The following CNTNAP4 variants were observed in gnomAD, a reference collection of about 807,000 sequenced individuals.
The protein encoded by CNTNAP4 is contactin associated protein family member 4.
CNTNAP4 carries 98 observed loss-of-function variants against 148.4 expected under a neutral mutation model. The ratio of observed to expected loss-of-function variants is 0.66; its 90% CI spans 0.56 to 0.78. The LOEUF is 0.78. CNTNAP4 is among the 30% of genes least tolerant of loss of function. The pLI, the probability that CNTNAP4 is intolerant of heterozygous loss-of-function variation, is 0.00. For missense variants in CNTNAP4, 1,935 were observed against 1,565.6 expected, an observed-to-expected ratio of 1.24 and a Z score of -3.98; for synonymous variants, 730 against 565.1, an observed-to-expected ratio of 1.29 and a Z score of -4.14.
chr16:76,516,011 GT>G (rs2083234171), intron 15 of CNTNAP4, among the ~76,000 whole-genome samples: 2 of 152,142 alleles, frequency 1.3e-5, no homozygotes, highest in Non-Finnish European at 2.9e-5. Flanking sequence ...TGCCACAGGC[GT>G]TGGCTGCACC....
At chr16:76,350,436 C>G (rs767361026) in intron 2 of CNTNAP4, among the ~76,000 whole-genome samples, 1 of 152,098 alleles carries the variant, frequency 6.6e-6, no homozygotes, top group African/African-American at 2.4e-5. Context: ...TTTCTAGTAG[C>G]GTGCTTAGCA....
intron 3 of CNTNAP4, among the ~76,000 whole-genome samples, chr16:76,400,012 A>T (rs1355459811): frequency 6.6e-6 from 1 of 152,208 alleles, no homozygotes; most frequent in Non-Finnish European, 1.5e-5. Context: ...AACTATTTTA[A>T]TCAAATGGAT....
intron 2 of CNTNAP4, among the ~76,000 whole-genome samples, chr16:76,323,213 T>G (rs1305422080): frequency 6.6e-6 from 1 of 152,138 alleles, no homozygotes; most frequent in Non-Finnish European, 1.5e-5. Context: ...TGTTATTAGA[T>G]TGAAGTAAAG....
intron 3 of CNTNAP4, among the ~76,000 whole-genome samples, chr16:76,389,563 C>T (rs575535657): frequency 5.3e-5 from 8 of 152,302 alleles, no homozygotes; most frequent in African/African-American, 1.7e-4. Flanking sequence ...AAGCAATTCT[C>T]ATGCCTCGGC....
intron 13 of CNTNAP4, among the ~76,000 whole-genome samples, chr16:76,490,568 T>G (rs2082181738): frequency 6.6e-6 from 1 of 152,230 alleles, no homozygotes; most frequent in Non-Finnish European, 1.5e-5. Context: ...CCAGCTGGCC[T>G]CCTAGCTTGT....
intron 12 of CNTNAP4, among the ~76,000 whole-genome samples, chr16:76,487,005 G>T (rs2082052124): frequency 6.6e-6 from 1 of 152,138 alleles, no homozygotes; most frequent in Non-Finnish European, 1.5e-5. Flanking sequence ...AGGTAGGTAG[G>T]TAGTAGATAG....
intron 1 of CNTNAP4, among the ~76,000 whole-genome samples, chr16:76,307,989 T>C (rs1217491146): frequency 6.6e-6 from 1 of 152,234 alleles, no homozygotes; most frequent in Non-Finnish European, 1.5e-5. Flanking sequence ...TCATGTCTCC[T>C]ATAAGAGAAA....
intron 1 of CNTNAP4, among the ~76,000 whole-genome samples, chr16:76,296,926 A>C (rs1052590498): frequency 2.0e-5 from 3 of 152,178 alleles, no homozygotes; most frequent in African/African-American, 7.2e-5. Flanking sequence ...GAAACATTTG[A>C]GGCTTCCAGT....
At chr16:76,499,160 T>G (rs8044216) in intron 15 of CNTNAP4, among the ~76,000 whole-genome samples, 1 of 150,604 alleles carries the variant, frequency 6.6e-6, no homozygotes, top group Non-Finnish European at 1.5e-5. Context: ...CTCTGCCTCC[T>G]GGATTCACGC....
chr16:76,292,520 C>T (rs1959155894), intron 1 of CNTNAP4, among the ~76,000 whole-genome samples: 3 of 151,124 alleles, frequency 2.0e-5, no homozygotes, highest in Admixed American at 6.8e-5. Flanking sequence ...GAGCTCAGTG[C>T]CTGTGGCCTC....
rs562755360 is a variant in CNTNAP4, at chr16:76,516,837, G to A, written c.2366-4303G>A. 1.1e-4 allele frequency among the ~76,000 whole-genome samples: 17 copies of A among 152,334 alleles called. No homozygotes were observed. The South Asian group carries it at 2.9e-3, about 26-fold the overall frequency. ...CCAGCACTTTGGGAGGCCAAGGTGG[G>A]TGGATCACCTGAGGTCAGGAGTTCG... On this transcript the variant is annotated intron_variant, in intron 15 of 23. Transcript: ENST00000611870.
At chr16:76,342,204 C>T (rs533154129) in intron 2 of CNTNAP4, among the ~76,000 whole-genome samples, 2 of 152,118 alleles carry the variant, frequency 1.3e-5, no homozygotes, top group South Asian at 4.1e-4. Flanking sequence ...TCATATTGTC[C>T]CTCCCATTTT....
At chr16:76,365,375 A>G (rs1215477157) in intron 3 of CNTNAP4, among the ~76,000 whole-genome samples, 1 of 152,146 alleles carries the variant, frequency 6.6e-6, no homozygotes, top group Non-Finnish European at 1.5e-5. Context: ...TTGGTTCCAT[A>G]TGAAATTTAA....
chr16:76,353,134 A>G (rs914468574), intron 2 of CNTNAP4, among the ~76,000 whole-genome samples: 44 of 152,340 alleles, frequency 2.9e-4, no homozygotes, highest in African/African-American at 1.1e-3. Context: ...TGTAGCATGT[A>G]AAAAATTTCT....
intron 14 of CNTNAP4, among the ~76,000 whole-genome samples, chr16:76,498,295 G>T (rs1347216774): frequency 1.3e-5 from 2 of 152,244 alleles, no homozygotes; most frequent in African/African-American, 4.8e-5. Context: ...GGGAGGCTGA[G>T]GCACAAGAAT....
At chr16:76,451,333 T>G (rs2080463985) in intron 7 of CNTNAP4, among the ~76,000 whole-genome samples, 1 of 152,216 alleles carries the variant, frequency 6.6e-6, no homozygotes. Context: ...GGTTTCTAGC[T>G]TTACCAGTTT....
chr16:76,348,290 A>G (rs999480183), intron 2 of CNTNAP4, among the ~76,000 whole-genome samples: 1 of 151,980 alleles, frequency 6.6e-6, no homozygotes, highest in Non-Finnish European at 1.5e-5. Flanking sequence ...AGAATGGAAA[A>G]TCAGTTTTGG....
At chr16:76,447,905 T>A in intron 4 of CNTNAP4, 107 bp from the exon 5 acceptor site, 1 of 717,494 alleles carries the variant, frequency 1.4e-6, no homozygotes, top group Non-Finnish European at 2.4e-6. Context: ...TGTATATGCA[T>A]GTGTATGAGT....
At chr16:76,523,611 A>T (rs908595581) in intron 17 of CNTNAP4, among the ~76,000 whole-genome samples, 1 of 152,166 alleles carries the variant, frequency 6.6e-6, no homozygotes, top group South Asian at 2.1e-4. Context: ...ATAAAACACT[A>T]TAAAGCAGAA....
Sources: allele counts gnomAD v4.1 joint callset (sites outside exome capture counted in the v4.1 genomes callset), GRCh38; gene constraint gnomAD v4.1.1; transcripts MANE v1.5; gene names NCBI Gene and HGNC (gene_info 2026-07-23, HGNC 2026-07-21).